The following KIAA1328 variants were observed in gnomAD, a reference collection of about 807,000 sequenced individuals.
The protein encoded by KIAA1328 is protein hinderin.
In KIAA1328, 52 loss-of-function variants were observed where a neutral mutation model predicts 68.1. The ratio of observed to expected loss-of-function variants is 0.76; its 90% CI spans 0.61 to 0.96. KIAA1328 has a LOEUF of 0.96. Among genes scored for constraint, KIAA1328 ranks in the 40% least tolerant of loss-of-function variants. KIAA1328 has a pLI of 0.00. For missense variants in KIAA1328, 641 were observed against 677.6 expected (o/e 0.95, Z 0.60); for synonymous variants, 232 against 239.4 (o/e 0.97, Z 0.28).
chr18:37,027,971 G>C (rs1456654989), intron 6 of KIAA1328, among the ~76,000 whole-genome samples: 2 of 151,960 alleles, frequency 1.3e-5, no homozygotes, highest in Non-Finnish European at 2.9e-5. Context: ...TCTGACAAAG[G>C]GCTAATATCC....
chr18:37,142,381 G>A (rs1245937853), intron 7 of KIAA1328, among the ~76,000 whole-genome samples: 2 of 151,742 alleles, frequency 1.3e-5, no homozygotes, highest in Admixed American at 1.3e-4. Flanking sequence ...TAGTAGAGAC[G>A]GGGTTTCACT....
intron 7 of KIAA1328, among the ~76,000 whole-genome samples, chr18:37,079,371 C>T (rs913337162): frequency 7.6e-6 from 1 of 131,780 alleles, no homozygotes; most frequent in Non-Finnish European, 1.6e-5. Flanking sequence ...AGGAGATATA[C>T]CTAATGCTAA....
chr18:37,059,918 T>TACTTCCTC (rs1488079414), intron 6 of KIAA1328, among the ~76,000 whole-genome samples: 2 of 151,098 alleles, frequency 1.3e-5, no homozygotes, highest in African/African-American at 4.9e-5. Context: ...AAACCATCAT[T>TACTTCCTC]CTCAGCAAAC....
At chr18:37,166,413 A>G (rs1482522943) in intron 8 of KIAA1328, among the ~76,000 whole-genome samples, 2 of 152,174 alleles carry the variant, frequency 1.3e-5, no homozygotes, top group African/African-American at 4.8e-5. Context: ...AAACTTTCTT[A>G]AAACATTATG....
chr18:37,059,865 A>C (rs2056076167), intron 6 of KIAA1328, among the ~76,000 whole-genome samples: 1 of 152,172 alleles, frequency 6.6e-6, no homozygotes, highest in South Asian at 2.1e-4. Flanking sequence ...AGCCATAAAA[A>C]AGGATGAGTT....
chr18:37,096,925 G>A (rs2057428211), intron 7 of KIAA1328, among the ~76,000 whole-genome samples: 1 of 151,984 alleles, frequency 6.6e-6, no homozygotes, highest in Non-Finnish European at 1.5e-5. Flanking sequence ...GGGGCCGTTT[G>A]TTTTTTTCTT....
intron 6 of KIAA1328, among the ~76,000 whole-genome samples, chr18:37,033,515 G>A (rs1421775286): frequency 1.3e-5 from 2 of 152,140 alleles, no homozygotes; most frequent in African/African-American, 2.4e-5. Flanking sequence ...CAGTAAGATC[G>A]AGTGTCCTGG....
intron 7 of KIAA1328, among the ~76,000 whole-genome samples, chr18:37,101,339 A>G (rs2057608735): frequency 1.3e-5 from 2 of 152,242 alleles, no homozygotes; most frequent in Non-Finnish European, 2.9e-5. Context: ...GATGGAGCTG[A>G]AAACCATGGC....
intron 6 of KIAA1328, among the ~76,000 whole-genome samples, chr18:36,964,051 T>C (rs1245011574): frequency 2.0e-5 from 3 of 152,182 alleles, no homozygotes; most frequent in Non-Finnish European, 2.9e-5. Flanking sequence ...ATCAGCCAGG[T>C]CATACAGCTA....
intron 6 of KIAA1328, among the ~76,000 whole-genome samples, chr18:37,044,260 A>G (rs531782622): frequency 1.1e-4 from 17 of 152,180 alleles, no homozygotes; most frequent in Non-Finnish European, 1.9e-4. Context: ...ATTAAGATTT[A>G]TAGTGGTAGT....
intron 6 of KIAA1328, among the ~76,000 whole-genome samples, chr18:37,037,619 C>T (rs1210037634): frequency 6.6e-6 from 1 of 152,172 alleles, no homozygotes; most frequent in Non-Finnish European, 1.5e-5. Flanking sequence ...CATGGTGGCT[C>T]ACGCCTGTAA....
chr18:36,896,347 TA>T (rs1209796044), intron 5 of KIAA1328, among the ~76,000 whole-genome samples: 2 of 152,148 alleles, frequency 1.3e-5, no homozygotes, highest in African/African-American at 4.8e-5. Flanking sequence ...ATTTTATAAT[TA>T]AAAAAATAGC....
At chr18:37,063,117 C>A (rs2151718419) in intron 6 of KIAA1328, among the ~76,000 whole-genome samples, 1 of 151,416 alleles carries the variant, frequency 6.6e-6, no homozygotes, top group East Asian at 1.9e-4. Context: ...TACATGGCTG[C>A]ATTATTATCT....
intron 7 of KIAA1328, among the ~76,000 whole-genome samples, chr18:37,126,993 C>T (rs556060559): frequency 9.2e-5 from 14 of 152,252 alleles, no homozygotes; most frequent in African/African-American, 3.1e-4. Context: ...TGGTAAAAGA[C>T]TTCACCGTAC....
intron 9 of KIAA1328, among the ~76,000 whole-genome samples, chr18:37,218,394 C>T (rs923331870): frequency 2.0e-5 from 3 of 152,168 alleles, no homozygotes; most frequent in Admixed American, 1.3e-4. Context: ...GGGTAAGGAG[C>T]CCTTAATGTC....
chr18:37,014,915 AT>A (rs1246886267), intron 6 of KIAA1328, among the ~76,000 whole-genome samples: 1 of 151,832 alleles, frequency 6.6e-6, no homozygotes, highest in East Asian at 1.9e-4. Flanking sequence ...ATTTTATTTT[AT>A]TTTTTTAGAC....
chr18:37,027,756 A>G (rs1297548448), intron 6 of KIAA1328, among the ~76,000 whole-genome samples: 2 of 152,156 alleles, frequency 1.3e-5, no homozygotes. Flanking sequence ...ACCTAAAACC[A>G]TAAAAACCCT....
intron 6 of KIAA1328, among the ~76,000 whole-genome samples, chr18:37,000,079 A>G (rs2053533065): frequency 6.6e-6 from 1 of 152,140 alleles, no homozygotes; most frequent in South Asian, 2.1e-4. Context: ...TGGATAAAAA[A>G]AAATGATCCA....
intron 5 of KIAA1328, among the ~76,000 whole-genome samples, chr18:36,944,440 A>G (rs1182985240): frequency 2.6e-5 from 4 of 152,126 alleles, no homozygotes; most frequent in African/African-American, 7.2e-5. Flanking sequence ...TTAGCCAGGC[A>G]TGGTGGCGGG....
Sources: allele counts gnomAD v4.1 joint callset (sites outside exome capture counted in the v4.1 genomes callset), GRCh38; gene constraint gnomAD v4.1.1; transcripts MANE v1.5; gene names NCBI Gene and HGNC (gene_info 2026-07-23, HGNC 2026-07-21).